The following SLC9A8 variants were observed in gnomAD, a reference collection of about 807,000 sequenced individuals.
The protein encoded by SLC9A8 is sodium/hydrogen exchanger 8.
Under a neutral mutation model 66.6 loss-of-function variants are expected in SLC9A8, and 48 were observed. The ratio of observed to expected loss-of-function variants is 0.72; its 90% CI spans 0.57 to 0.92. The LOEUF (loss-of-function observed/expected upper bound fraction) is 0.92, where lower values mean the gene tolerates loss of function less well. SLC9A8 is among the 40% of genes least tolerant of loss of function. The probability of loss-of-function intolerance (pLI) is 0.00; values close to 1 mark genes in which losing one functional copy is unlikely to be tolerated. For synonymous variants in SLC9A8, 274 were observed against 282.6 expected (o/e 0.97, Z 0.31); for missense variants, 599 against 747.3 (o/e 0.80, Z 2.31).
chr20:49,819,464 C>A (rs79363579), intron 2 of SLC9A8, among the ~76,000 whole-genome samples: 1 of 152,108 alleles, frequency 6.6e-6, no homozygotes. Context: ...GGTCCCATAA[C>A]TTGCCTTTTC....
chr20:49,847,685 C>G (rs1426578491), intron 5 of SLC9A8, among the ~76,000 whole-genome samples: 12 of 151,994 alleles, frequency 7.9e-5, no homozygotes, highest in African/African-American at 2.2e-4. Context: ...TATGCATTAG[C>G]TAGGCAGCAA....
chr20:49,813,027 T>A, intron 1 of SLC9A8, 79 bp downstream of exon 1: 1 of 1,208,560 alleles, frequency 8.3e-7, no homozygotes, highest in Non-Finnish European at 1.1e-6. Flanking sequence ...CAGGCCGCCC[T>A]CCGGCCCCGG....
intron 5 of SLC9A8, among the ~76,000 whole-genome samples, 197 bp from the exon 6 acceptor site, chr20:49,849,382 T>C (rs1211797840): frequency 3.3e-5 from 5 of 151,996 alleles, no homozygotes; most frequent in Non-Finnish European, 5.9e-5. Flanking sequence ...AGATGAAAGA[T>C]GGTGTGAGTG....
In SLC9A8 at chr20:49,889,869, ACT is replaced by A. The variant is rs995013659; in HGVS notation, c.*1935_*1936del. On this transcript the variant is annotated 3_prime_UTR_variant, in exon 16 of 16. Transcript: ENST00000361573. Reference sequence around the variant, plus strand: ...CTCCCAGATGTAAGTTGTTTTGCAAACTCAGTTTGCCAGGATTTCTTTCTTTC... The same window carrying A: ...CTCCCAGATGTAAGTTGTTTTGCAAACAGTTTGCCAGGATTTCTTTCTTTC... The A allele has an allele frequency of 6.6e-6, 1 of 152,144 alleles. No homozygotes were observed. The highest frequency in any genetic ancestry group is 1.5e-5 in the Non-Finnish European group (1 of 68,022). The allele number at this position is 152,144 out of a possible 1,614,324, so 9.4% of individuals were successfully genotyped here.
intron 4 of SLC9A8, among the ~76,000 whole-genome samples, chr20:49,844,662 T>C (rs1009453580): frequency 6.9e-6 from 1 of 144,926 alleles, no homozygotes; most frequent in Non-Finnish European, 1.5e-5. Flanking sequence ...TAGCCCGGCA[T>C]GGTAGCACGC....
intron 3 of SLC9A8, among the ~76,000 whole-genome samples, chr20:49,828,760 C>T (rs1386300674): frequency 6.6e-6 from 1 of 151,496 alleles, no homozygotes; most frequent in East Asian, 2.0e-4. Flanking sequence ...AATCACTTTA[C>T]TCCGGTAGAC....
At chr20:49,837,394 A>G (rs2087579522) in intron 3 of SLC9A8, among the ~76,000 whole-genome samples, 1 of 152,080 alleles carries the variant, frequency 6.6e-6, no homozygotes, top group African/African-American at 2.4e-5. Flanking sequence ...TGTCTCAGAT[A>G]CTCTGGTTTA....
At chr20:49,871,181 T>C (rs534405554) in intron 10 of SLC9A8, among the ~76,000 whole-genome samples, 2 of 152,364 alleles carry the variant, frequency 1.3e-5, no homozygotes, top group Admixed American at 1.3e-4. Context: ...ATTGAGTAAT[T>C]AACACAGCGT....
Position 49,886,933 on chromosome 20 carries a change from C to T in SLC9A8, c.1638+35C>T. On this transcript the variant is annotated intron_variant, in intron 15 of 15. Transcript: ENST00000361573. The surrounding 1 kb of genome is among the most constrained non-coding windows in gnomAD (Gnocchi z 4.8). ...CGGCCAGGCCACACTTTCTGGGGGT[C>T]CCTTGCCTGCCTCCTTCAGGACCTG... 1 of 1,590,980 alleles carries T rather than the reference C, an allele frequency of 6.3e-7. No homozygotes were observed. The highest frequency in any genetic ancestry group is 8.6e-7 in the Non-Finnish European group (1 of 1,166,140).
chr20:49,827,619 A>G (rs907693586), intron 3 of SLC9A8, among the ~76,000 whole-genome samples: 3 of 151,548 alleles, frequency 2.0e-5, no homozygotes, highest in Non-Finnish European at 4.4e-5. Flanking sequence ...AAAAAAAAAA[A>G]GAAAAAGAAA....
chr20:49,850,624 G>A (rs1007323670), intron 6 of SLC9A8, 186 bp from the exon 7 acceptor site: 3 of 603,774 alleles, frequency 5.0e-6, no homozygotes, highest in Non-Finnish European at 8.4e-6. Flanking sequence ...CCATACTCTC[G>A]TTGCATGCCG....
At chr20:49,875,319 G>A (rs1244338248) in intron 11 of SLC9A8, among the ~76,000 whole-genome samples, 1 of 151,202 alleles carries the variant, frequency 6.6e-6, no homozygotes, top group Non-Finnish European at 1.5e-5. Flanking sequence ...AGCTTTTGTA[G>A]TCAAACAAGA....
At chr20:49,818,505 C>G (rs922471204) in intron 2 of SLC9A8, among the ~76,000 whole-genome samples, 5 of 144,276 alleles carry the variant, frequency 3.5e-5, no homozygotes, top group African/African-American at 1.3e-4. Flanking sequence ...TTTTTTTTCC[C>G]CCTGAGATGG....
At position 49,815,018 on chromosome 20, in the gene SLC9A8, AAT is replaced by A. The variant is rs1388561798; in HGVS notation, c.39_40del (p.Thr14AsnfsTer3). 6.3e-7 allele frequency: 1 copy of A among 1,577,680 alleles called. No individual in the cohort carries two copies. Among genetic ancestry groups the A allele is most frequent in the African/African-American group, 1.4e-5 (1 of 73,434 alleles). On this transcript the variant is annotated frameshift_variant, in exon 2 of 16. Coordinates refer to ENST00000361573, the MANE Select transcript of SLC9A8 (RefSeq NM_015266.3). LOFTEE classifies it high-confidence loss of function. ...TTCTATGTCCTCCAGGAGGTTCCCC[AAT>A]ACAACTCATGAGGGTTTCAATGTCA... ...EKMAEEERFP[N>X]TTHEGFNVTL...
chr20:49,868,673 C>T (rs950468046), intron 10 of SLC9A8, among the ~76,000 whole-genome samples: 4 of 152,180 alleles, frequency 2.6e-5, no homozygotes, highest in African/African-American at 9.7e-5. Context: ...CCAGCTCCAC[C>T]TCTTATTGGC....
chr20:49,876,714 A>G (rs1282029007), intron 11 of SLC9A8, among the ~76,000 whole-genome samples: 1 of 152,212 alleles, frequency 6.6e-6, no homozygotes, highest in Non-Finnish European at 1.5e-5. Flanking sequence ...AAGGGTCCCA[A>G]CTGTGGCAAA....
chr20:49,828,150 G>A (rs945820696), intron 3 of SLC9A8, among the ~76,000 whole-genome samples: 2 of 145,330 alleles, frequency 1.4e-5, no homozygotes, highest in African/African-American at 5.1e-5. Flanking sequence ...GCACGATCTC[G>A]GCTCACTGCA....
chr20:49,864,685 C>T (rs2146680922), intron 9 of SLC9A8, 54 bp from the exon 10 acceptor site: 1 of 1,246,796 alleles, frequency 8.0e-7, no homozygotes, highest in Non-Finnish European at 1.2e-6. Flanking sequence ...GTGACTTCTC[C>T]ACATCTCCCA....
intron 5 of SLC9A8, among the ~76,000 whole-genome samples, chr20:49,845,551 C>T (rs2087948907): frequency 6.6e-6 from 1 of 152,148 alleles, no homozygotes; most frequent in Non-Finnish European, 1.5e-5. Flanking sequence ...CTTCTCAGGC[C>T]CATCCATCCT....
Sources: gnomAD v4.1 joint callset for allele counts (sites outside exome capture counted in the v4.1 genomes callset) on GRCh38, gnomAD v4.1.1 for gene constraint, Gnocchi (gnomAD v3.1) non-coding constraint, MANE v1.5 for transcripts, NCBI Gene and HGNC (gene_info 2026-07-23, HGNC 2026-07-21) for gene names.